The following RPL3 variants were observed in gnomAD, a reference collection of about 807,000 sequenced individuals.
The protein encoded by RPL3 is ribosomal protein L3.
RPL3 carries 3 observed loss-of-function variants against 46.0 expected under a neutral mutation model. The observed-to-expected ratio is 0.07, with a 90% CI of 0.03 to 0.17. RPL3 has a LOEUF of 0.17. Among genes scored for constraint, RPL3 ranks in the 10% least tolerant of loss-of-function variants. RPL3 has a pLI of 1.00. For synonymous variants in RPL3, 224 were observed against 190.8 expected (o/e 1.17, Z -1.43); for missense variants, 387 against 532.7 (o/e 0.73, Z 2.69).
chr22:39,318,465 G>A lies in RPL3; in HGVS notation c.131C>T (p.Thr44Ile). 2.5e-6 allele frequency: 4 copies of A among 1,614,078 alleles called. No homozygotes were observed. Among genetic ancestry groups the A allele is most frequent in the Non-Finnish European group, 3.4e-6 (4 of 1,179,970 alleles). ...KDDPSKPVHL[T>I]AFLGYKAGMT... ...GCCAGCCTTGTATCCCAGGAAGGCT[G>A]TGAGGTGGACCGGCTTGGACGGGTC... Residue 44 changes from threonine to isoleucine, a missense_variant, in exon 2 of 10, where the codon ACA becomes ATA. Coordinates refer to ENST00000216146, the MANE Select transcript of RPL3 (RefSeq NM_000967.4).
intron 9 of RPL3, 81 bp from the exon 10 acceptor site, chr22:39,313,065 G>C: frequency 6.2e-7 from 1 of 1,608,418 alleles, no homozygotes; most frequent in Non-Finnish European, 8.5e-7. Context: ...CCAAGACTCT[G>C]GGCCAGTCTC....
At chr22:39,318,367 T>TATTC (rs746077813) in intron 2 of RPL3, 33 bp downstream of exon 2, 66 of 1,602,110 alleles carry the variant, frequency 4.1e-5, no homozygotes, top group Non-Finnish European at 5.4e-5. Context: ...CCTCCACTCC[T>TATTC]ATTCCCCCAA....
chr22:39,316,965 C>T (rs1025522161), intron 3 of RPL3, 124 bp from the exon 4 acceptor site: 7 of 1,484,310 alleles, frequency 4.7e-6, no homozygotes, highest in Non-Finnish European at 6.6e-6. Context: ...TTCTAAGGAG[C>T]CTTTTCCACC....
chr22:39,317,246 C>T (rs927525160), intron 3 of RPL3: 6 of 610,366 alleles, frequency 9.8e-6, no homozygotes, highest in African/African-American at 7.4e-5. Flanking sequence ...CAGCCACCAC[C>T]CACTAGCCTG....
chr22:39,318,236 T>C, intron 2 of RPL3, 164 bp downstream of exon 2: 1 of 665,492 alleles, frequency 1.5e-6, no homozygotes, highest in South Asian at 2.0e-5. Flanking sequence ...GGAATATTAG[T>C]TTTCAAGTTA....
chr22:39,313,083 A>T, intron 9 of RPL3, 99 bp from the exon 10 acceptor site: 1 of 1,605,708 alleles, frequency 6.2e-7, no homozygotes, highest in South Asian at 1.1e-5. Flanking sequence ...CTCCACAGCC[A>T]CAAGAGAGGC....
Position 39,314,105 on chromosome 22 carries a change from A to G in RPL3, c.951+2T>C. 1 of 1,571,592 alleles carries G rather than the reference A, an allele frequency of 6.4e-7. No homozygotes were observed. Among genetic ancestry groups the G allele is most frequent in the East Asian group, 2.2e-5 (1 of 44,696 alleles). ...TCACAGAGCAGAACACCCATTACTT[A>G]CCAGAGGGTTGATGCTCTTGTCAGA... On this transcript the variant is annotated splice_donor_variant, in intron 7 of 9. Transcript: ENST00000216146. LOFTEE classifies it high-confidence loss of function.
intron 5 of RPL3, 87 bp downstream of exon 5, chr22:39,315,282 C>G: frequency 6.4e-7 from 1 of 1,552,208 alleles, no homozygotes; most frequent in Non-Finnish European, 8.9e-7. Flanking sequence ...ACCCAGCGCT[C>G]ACTCTGAGCC....
intron 4 of RPL3, among the ~76,000 whole-genome samples, chr22:39,316,121 C>G (rs1922671629): frequency 6.6e-6 from 1 of 152,068 alleles, no homozygotes; most frequent in Non-Finnish European, 1.5e-5. Flanking sequence ...TGCCTGTAAT[C>G]CCAGCTACTC....
chr22:39,317,715 A>G, intron 2 of RPL3, 86 bp from the exon 3 acceptor site: 1 of 1,514,896 alleles, frequency 6.6e-7, no homozygotes, highest in Non-Finnish European at 9.0e-7. Flanking sequence ...GTGCCCATTT[A>G]GGCCGGAAGG....
chr22:39,316,164 A>C (rs1922674673), intron 4 of RPL3, among the ~76,000 whole-genome samples: 2 of 152,052 alleles, frequency 1.3e-5, no homozygotes, highest in Non-Finnish European at 2.9e-5. Context: ...GCTTGAACCT[A>C]GAAAGTGGAG....
chr22:39,313,193 T>G lies in RPL3; in HGVS notation c.1165A>C (p.Met389Leu). The change falls in exon 9 of 10, where the codon ATG (methionine) becomes CTG (leucine). Residue 389 changes from methionine (M) to leucine (L), a missense_variant and splice_region_variant. Met to Leu is a conservative substitution (Grantham distance 15). Coordinates refer to ENST00000216146, the MANE Select transcript of RPL3 (RefSeq NM_000967.4). Reference protein sequence around the residue: ...FQTMEEKKAFMGPLKKDRIAK... With the variant: ...FQTMEEKKAFLGPLKKDRIAK... The stretch of plus-strand genomic sequence containing the variant: ...GGGGGGCAGGCAGAGGTGCTCACCA[T>G]GAATGCTTTCTTCTCCTCCATGGTC... The G allele has an allele frequency of 6.2e-7, 1 of 1,608,056 alleles. No homozygotes were observed. Among genetic ancestry groups the G allele is most frequent in the Non-Finnish European group, 8.5e-7 (1 of 1,177,342 alleles).
intron 3 of RPL3, 52 bp downstream of exon 3, chr22:39,317,409 C>T (rs1024653718): frequency 1.3e-6 from 2 of 1,581,808 alleles, no homozygotes; most frequent in Non-Finnish European, 1.7e-6. Flanking sequence ...CTGCTCCCTG[C>T]TCTCCAGCTC....
intron 3 of RPL3, chr22:39,317,122 G>A (rs1211607576): frequency 5.0e-6 from 3 of 600,574 alleles, no homozygotes; most frequent in Non-Finnish European, 9.0e-6. Context: ...ACTCAGTGAT[G>A]AAGGAAATGG....
At chr22:39,317,110 CCACT>C (rs1178406506) in intron 3 of RPL3, 46 of 605,048 alleles carry the variant, frequency 7.6e-5, no homozygotes, top group Admixed American at 3.0e-4. Flanking sequence ...CTGGGGAAGC[CCACT>C]CAGTGATGAA....
At chr22:39,318,237 T>C in intron 2 of RPL3, 163 bp downstream of exon 2, 1 of 673,290 alleles carries the variant, frequency 1.5e-6, no homozygotes, top group Non-Finnish European at 2.5e-6. Context: ...GAATATTAGT[T>C]TTCAAGTTAA....
intron 7 of RPL3, 74 bp downstream of exon 7, chr22:39,314,033 C>T: frequency 2.4e-6 from 3 of 1,242,668 alleles, no homozygotes; most frequent in Non-Finnish European, 3.6e-6. Context: ...CTGCTAGCAG[C>T]CCCTAGGAAG....
At position 39,316,947 on chromosome 22, in the gene RPL3, T is replaced by C. The variant is rs747039173; in HGVS notation, c.366-106A>G. The C allele has an allele frequency of 1.7e-5, 27 of 1,572,696 alleles. No homozygotes were observed. The African/African-American group carries it at 1.9e-4, about 11-fold the overall frequency. On this transcript the variant is annotated intron_variant, in intron 3 of 9. Transcript: ENST00000216146. ...TGGCACCGCGTGGGGATGGAGCTCA[T>C]TGCCGGCTTCTAAGGAGCCTTTTCC...
chr22:39,318,642 C>A lies in RPL3; in HGVS notation c.4-50G>T, dbSNP rs759745053. On this transcript the variant is annotated intron_variant, in intron 1 of 9. Coordinates refer to ENST00000216146, the MANE Select transcript of RPL3 (RefSeq NM_000967.4). ...AGCACCCAAACCAAAGCAGTGCCCC[C>A]TTCTCTAGTTCCCAGCTGCTTAAGT... The A allele has an allele frequency of 1.5e-5, 22 of 1,467,298 alleles. No homozygotes were observed. In the South Asian group the frequency reaches 2.7e-4, roughly 18 times the overall value. 90.9% of individuals were successfully genotyped at this position (1,467,298 alleles called of 1,614,324 possible).
Sources: gnomAD v4.1 joint callset for allele counts (sites outside exome capture counted in the v4.1 genomes callset) on GRCh38, gnomAD v4.1.1 for gene constraint, MANE v1.5 for transcripts, NCBI Gene and HGNC (gene_info 2026-07-23, HGNC 2026-07-21) for gene names.